SORCS2: variants seen among roughly 807,000 people sequenced by gnomAD.
SORCS2 encodes the protein sortilin related VPS10 domain containing receptor 2.
A neutral mutation model predicts 141.6 loss-of-function variants in SORCS2; 100 were observed. The ratio of observed to expected loss-of-function variants is 0.71; its 90% CI spans 0.60 to 0.83. The LOEUF is 0.83. SORCS2 is among the 40% of genes least tolerant of loss of function. The probability of loss-of-function intolerance (pLI) is 0.00; values close to 1 mark genes in which losing one functional copy is unlikely to be tolerated. For synonymous variants in SORCS2, 789 were observed against 676.9 expected (o/e 1.17, Z -2.57); for missense variants, 1,646 against 1,560.2 (o/e 1.05, Z -0.93).
chr4:7,681,098 C>A (rs1319105251), intron 9 of SORCS2, among the ~76,000 whole-genome samples: 1 of 152,142 alleles, frequency 6.6e-6, no homozygotes, highest in East Asian at 1.9e-4. Context: ...CTTTGGAAAC[C>A]TTGATGGGGT....
chr4:7,488,382 G>T (rs1731120366), intron 2 of SORCS2, among the ~76,000 whole-genome samples: 1 of 152,206 alleles, frequency 6.6e-6, no homozygotes, highest in South Asian at 2.1e-4. Flanking sequence ...GAGATCCTGG[G>T]GATCAGCCTC....
Position 7,539,428 on chromosome 4 carries a change from T to C in SORCS2, c.648+7799T>C, listed in dbSNP as rs537425910. Among the ~76,000 whole-genome samples the C allele has an allele frequency of 1.9e-4, 29 of 152,350 alleles. No individual in the cohort carries two copies. The South Asian group carries it at 6.0e-3, about 32-fold the overall frequency. On this transcript the variant is annotated intron_variant, in intron 3 of 26. Transcript: ENST00000507866. ...AGGCTGTGCCCATGTCCGCTTCCTG[T>C]GGACTCTGTGTGCTTGCCAGAACAC... is the stretch of plus-strand genomic sequence containing the variant.
Position 7,663,168 on chromosome 4 carries a change from G to A in SORCS2, c.953-1185G>A, listed in dbSNP as rs1286568063. Among the ~76,000 whole-genome samples the A allele has an allele frequency of 2.0e-5, 3 of 151,616 alleles. No individual in the cohort carries two copies. Among genetic ancestry groups the A allele is most frequent in the Non-Finnish European group, 2.9e-5 (2 of 67,962 alleles). On this transcript the variant is annotated intron_variant, in intron 6 of 26. Transcript: ENST00000507866. This position sits in a 1 kb window ranked among gnomAD's most constrained non-coding sequence, Gnocchi z 4.8. ...TAATTGAAAGAGTGAGTGAGTGAAT[G>A]AGTGATGAGTGAATGAGTGAGTGAG...
intron 2 of SORCS2, among the ~76,000 whole-genome samples, chr4:7,459,294 G>C (rs1560302430): frequency 6.6e-6 from 1 of 152,104 alleles, no homozygotes; most frequent in Admixed American, 6.5e-5. Context: ...TATTGCTATG[G>C]AGAAGGCATC....
intron 2 of SORCS2, among the ~76,000 whole-genome samples, chr4:7,401,319 A>G (rs1327417257): frequency 1.3e-5 from 2 of 152,142 alleles, no homozygotes; most frequent in African/African-American, 2.4e-5. Context: ...AGGCAGACAG[A>G]TGGCTGGATA....
At chr4:7,620,393 G>A (rs1356789931) in intron 3 of SORCS2, among the ~76,000 whole-genome samples, 2 of 152,192 alleles carry the variant, frequency 1.3e-5, no homozygotes, top group African/African-American at 2.4e-5. Context: ...GCTCCTGCCT[G>A]CAGCCCACGC....
chr4:7,547,681 A>C (rs1713366444), intron 3 of SORCS2, among the ~76,000 whole-genome samples: 1 of 152,148 alleles, frequency 6.6e-6, no homozygotes. Flanking sequence ...AGATCAGCTC[A>C]GGACCCCAGT....
At chr4:7,651,896 G>T (rs1037392556) in intron 4 of SORCS2, among the ~76,000 whole-genome samples, 1 of 152,212 alleles carries the variant, frequency 6.6e-6, no homozygotes, top group African/African-American at 2.4e-5. Context: ...TTAGGCCATG[G>T]AAACATTCTC....
At chr4:7,351,623 C>A (rs1720940111) in intron 1 of SORCS2, among the ~76,000 whole-genome samples, 1 of 152,070 alleles carries the variant, frequency 6.6e-6, no homozygotes, top group Non-Finnish European at 1.5e-5. Context: ...TCTGAAAAAT[C>A]AGAGGCCCTT....
At chr4:7,707,061 A>G (rs1196465722) in intron 14 of SORCS2, among the ~76,000 whole-genome samples, 3 of 152,228 alleles carry the variant, frequency 2.0e-5, no homozygotes, top group Admixed American at 1.3e-4. Flanking sequence ...CCTGTGGCCA[A>G]GTCCAGCCCA....
chr4:7,724,592 T>G (rs1264570374), intron 19 of SORCS2, among the ~76,000 whole-genome samples: 3 of 91,722 alleles, frequency 3.3e-5, no homozygotes, highest in Admixed American at 1.1e-4. Context: ...GTGGTGGTGT[T>G]GGTGATGGTG....
intron 4 of SORCS2, among the ~76,000 whole-genome samples, chr4:7,642,436 T>C (rs1299167991): frequency 1.3e-5 from 2 of 152,240 alleles, no homozygotes; most frequent in African/African-American, 2.4e-5. Context: ...TTGCTTTGGT[T>C]CTTTTCTGTG....
intron 1 of SORCS2, among the ~76,000 whole-genome samples, chr4:7,279,980 C>T (rs536173770): frequency 1.3e-5 from 2 of 152,024 alleles, no homozygotes; most frequent in South Asian, 4.2e-4. Flanking sequence ...AACTTCAGAC[C>T]TCAAAGCTGT....
chr4:7,478,115 G>C (rs533405639), intron 2 of SORCS2, among the ~76,000 whole-genome samples: 1 of 152,338 alleles, frequency 6.6e-6, no homozygotes, highest in Admixed American at 6.5e-5. Flanking sequence ...AGCCCCTCCA[G>C]AGGCTGGGGT....
intron 1 of SORCS2, among the ~76,000 whole-genome samples, chr4:7,365,518 A>G (rs763529919): frequency 2.0e-4 from 31 of 152,120 alleles, no homozygotes; most frequent in Admixed American, 5.9e-4. Flanking sequence ...GTTGCTTTCA[A>G]ATGTTTTTAC....
At chr4:7,516,822 G>C (rs1470896406) in intron 2 of SORCS2, among the ~76,000 whole-genome samples, 1 of 152,212 alleles carries the variant, frequency 6.6e-6, no homozygotes, top group Admixed American at 6.5e-5. Flanking sequence ...GCAGGTACAG[G>C]TGTGAGAAGT....
At chr4:7,694,738 T>C (rs1295545772) in intron 11 of SORCS2, among the ~76,000 whole-genome samples, 1 of 152,190 alleles carries the variant, frequency 6.6e-6, no homozygotes, top group Non-Finnish European at 1.5e-5. Context: ...CAGCACCTTT[T>C]GTTTGCCAGG....
At chr4:7,281,203 A>T (rs1239426416) in intron 1 of SORCS2, among the ~76,000 whole-genome samples, 1 of 152,098 alleles carries the variant, frequency 6.6e-6, no homozygotes, top group African/African-American at 2.4e-5. Flanking sequence ...TGATGGAAGC[A>T]GAGCATGGGG....
intron 10 of SORCS2, among the ~76,000 whole-genome samples, chr4:7,688,498 A>C (rs1724011941): frequency 6.6e-6 from 1 of 152,202 alleles, no homozygotes; most frequent in South Asian, 2.1e-4. Flanking sequence ...GAAGGGCTGG[A>C]CCCCAGAGCT....
Sources: gnomAD v4.1 joint callset for allele counts (sites outside exome capture counted in the v4.1 genomes callset) on GRCh38, gnomAD v4.1.1 for gene constraint, Gnocchi (gnomAD v3.1) non-coding constraint, MANE v1.5 for transcripts, NCBI Gene and HGNC (gene_info 2026-07-23, HGNC 2026-07-21) for gene names.